The following KIAA1217 variants were observed in gnomAD, a reference collection of about 807,000 sequenced individuals.
KIAA1217 encodes sickle tail protein homolog.
KIAA1217 carries 88 observed loss-of-function variants against 163.9 expected under a neutral mutation model. The observed-to-expected ratio is 0.54, with a 90% confidence interval of 0.45 to 0.64. The LOEUF (loss-of-function observed/expected upper bound fraction) is 0.64. Among genes scored for constraint, KIAA1217 ranks in the 30% least tolerant of loss-of-function variants. KIAA1217 has a pLI of 0.00. For missense variants in KIAA1217, 2,372 were observed against 2,475.0 expected (o/e 0.96, Z 0.88); for synonymous variants, 903 against 923.1 (o/e 0.98, Z 0.39).
chr10:23,926,485 G>A (rs1336739970), intron 1 of KIAA1217, among the ~76,000 whole-genome samples: 3 of 152,274 alleles, frequency 2.0e-5, no homozygotes, highest in Non-Finnish European at 4.4e-5. Flanking sequence ...AACACTTTGG[G>A]AGGGCGACGT....
chr10:24,312,855 G>T (rs1263218004), intron 2 of KIAA1217, among the ~76,000 whole-genome samples: 1 of 152,134 alleles, frequency 6.6e-6, no homozygotes, highest in East Asian at 1.9e-4. Flanking sequence ...GGTCTGGGCT[G>T]CAGGGAGCCT....
At chr10:24,304,258 G>A (rs546072130) in intron 2 of KIAA1217, among the ~76,000 whole-genome samples, 1 of 130,128 alleles carries the variant, frequency 7.7e-6, no homozygotes, top group South Asian at 2.4e-4. Flanking sequence ...TCTTGCAACT[G>A]TCCTTCATTC....
chr10:24,501,318 G>A, intron 8 of KIAA1217, 61 bp from the exon 9 acceptor site: 2 of 1,497,036 alleles, frequency 1.3e-6, no homozygotes, highest in Non-Finnish European at 1.8e-6. Flanking sequence ...ATTGGGATGG[G>A]ATGCATAGCT....
intron 2 of KIAA1217, among the ~76,000 whole-genome samples, chr10:24,131,343 A>T (rs575677202): frequency 6.6e-6 from 1 of 152,332 alleles, no homozygotes; most frequent in East Asian, 1.9e-4. Flanking sequence ...ACATTTACCC[A>T]TCCTGTGTTA....
intron 1 of KIAA1217, among the ~76,000 whole-genome samples, chr10:23,807,637 T>C (rs1836805742): frequency 6.6e-6 from 1 of 152,242 alleles, no homozygotes. Context: ...AGGATGAATA[T>C]GGCTGAGTGA....
chr10:24,543,826 CAA>C lies in KIAA1217; in HGVS notation c.4558_4559del (p.Lys1520ValfsTer39), dbSNP rs2075391350. On this transcript the variant is annotated frameshift_variant, in exon 19 of 21. Transcript: ENST00000376454. LOFTEE classifies it high-confidence loss of function. ...CTTAGAACCGGACAACAGGTGGAAA[CAA>C]AGTCACAGCCACACTCCCTGGCCAC... The C allele has an allele frequency of 6.2e-7, 1 of 1,613,812 alleles. No individual in the cohort carries two copies. The highest frequency in any genetic ancestry group is 1.3e-5 in the African/African-American group (1 of 74,856).
chr10:23,991,140 G>A (rs1589197162), intron 1 of KIAA1217, among the ~76,000 whole-genome samples: 1 of 152,172 alleles, frequency 6.6e-6, no homozygotes, highest in African/African-American at 2.4e-5. Context: ...CAAACTAGTC[G>A]GGTATTTTCC....
At position 23,824,656 on chromosome 10, in the gene KIAA1217, A is replaced by ATAT. The variant is rs1564453885; in HGVS notation, c.-321+129422_-321+129423insTAT. 3.8e-3 allele frequency among the ~76,000 whole-genome samples: 315 copies of ATAT among 82,196 alleles called. 3 individuals are homozygous for ATAT. Among genetic ancestry groups the ATAT allele is most frequent in the Middle Eastern group, 7.7e-3 (1 of 130 alleles). The allele number at this position is 82,196 out of a possible 152,430, so 53.9% of individuals were successfully genotyped here. On this transcript the variant is annotated intron_variant, in intron 1 of 18. Transcript: ENST00000376462. ...GAAAAAAAAAAAAAAAAAAATAAAA[A>ATAT]AAATATATATATATATATATATATA...
In KIAA1217 at chr10:24,536,909, C is replaced by T; in HGVS notation, c.3534+16C>T. On this transcript the variant is annotated intron_variant, in intron 17 of 20. Transcript: ENST00000376454. ...GGAGAAGAAGGTAACGTGGCAACTG[C>T]ACATTTGCCACACGGTTGGGAGTCC... 2 of 1,612,964 alleles carry T rather than the reference C, an allele frequency of 1.2e-6. No homozygotes were observed. The highest frequency in any genetic ancestry group is 8.5e-7 in the Non-Finnish European group (1 of 1,179,394).
At chr10:23,786,264 G>A (rs1835489432) in intron 1 of KIAA1217, among the ~76,000 whole-genome samples, 1 of 151,970 alleles carries the variant, frequency 6.6e-6, no homozygotes, top group African/African-American at 2.4e-5. Flanking sequence ...GGGAGGATTT[G>A]GTTAATATGG....
At chr10:24,417,389 T>C (rs1286317059) in intron 3 of KIAA1217, among the ~76,000 whole-genome samples, 1 of 152,160 alleles carries the variant, frequency 6.6e-6, no homozygotes. Context: ...TCTCTCTCCA[T>C]AGCTGCCCGT....
chr10:24,258,235 A>G (rs144321450), intron 2 of KIAA1217, among the ~76,000 whole-genome samples: 4 of 152,238 alleles, frequency 2.6e-5, no homozygotes, highest in African/African-American at 9.6e-5. Context: ...CAGATTCTGG[A>G]TGGAGAAGGG....
chr10:24,380,928 G>A lies in KIAA1217; in HGVS notation c.414G>A (p.Glu138=), dbSNP rs1591464800. 1 of 1,607,352 alleles carries A rather than the reference G, an allele frequency of 6.2e-7. No individual in the cohort carries two copies. The highest frequency in any genetic ancestry group is 8.5e-7 in the Non-Finnish European group (1 of 1,176,208). The stretch of plus-strand genomic sequence containing the variant: ...CACCCAGTCTGGGTGACCCGGTCGA[G>A]CATTTATCAGAGACGTCCGCTGATT... ...PQPPSLGDPV[E]HLSETSADSL... is the part of the protein sequence containing the mutation. The change falls in exon 3 of 21, where the codon GAG becomes GAA. Residue 138 remains glutamate, a synonymous_variant. Coordinates refer to ENST00000376454, the MANE Select transcript of KIAA1217 (RefSeq NM_019590.5).
At chr10:24,494,975 C>A in intron 7 of KIAA1217, 172 bp from the exon 8 acceptor site, 1 of 612,958 alleles carries the variant, frequency 1.6e-6, no homozygotes, top group Non-Finnish European at 2.8e-6. Context: ...GTCAGGTGCA[C>A]ACCTGGGAAG....
chr10:24,399,040 C>T (rs944541159), intron 3 of KIAA1217, among the ~76,000 whole-genome samples: 2 of 152,198 alleles, frequency 1.3e-5, no homozygotes, highest in South Asian at 2.1e-4. Context: ...TCTCCTGCCC[C>T]GCTCATGCCT....
intron 2 of KIAA1217, among the ~76,000 whole-genome samples, chr10:24,258,853 A>G (rs11013996): frequency 0.011 from 1,723 of 152,232 alleles, 25 homozygotes; most frequent in African/African-American, 0.039. Context: ...TGGGCCTCCC[A>G]AAGTGCTGGG....
intron 16 of KIAA1217, among the ~76,000 whole-genome samples, 187 bp downstream of exon 16, chr10:24,533,424 T>A (rs987634399): frequency 1.3e-5 from 2 of 152,238 alleles, no homozygotes; most frequent in Non-Finnish European, 2.9e-5. Flanking sequence ...AGGATGCCTA[T>A]AAGATGTGCA....
At chr10:23,931,102 C>A (rs1009729597) in intron 1 of KIAA1217, among the ~76,000 whole-genome samples, 1 of 152,108 alleles carries the variant, frequency 6.6e-6, no homozygotes, top group Non-Finnish European at 1.5e-5. Flanking sequence ...TAACTCACCC[C>A]GCCTGCTTCT....
At chr10:23,837,860 G>C (rs921142912) in intron 1 of KIAA1217, among the ~76,000 whole-genome samples, 1 of 152,018 alleles carries the variant, frequency 6.6e-6, no homozygotes, top group Non-Finnish European at 1.5e-5. Context: ...TAATGTACTG[G>C]TTCTTTAACC....
Sources: gnomAD v4.1 joint callset for allele counts (sites outside exome capture counted in the v4.1 genomes callset) on GRCh38, gnomAD v4.1.1 for gene constraint, MANE v1.5 for transcripts, NCBI Gene and HGNC (gene_info 2026-07-23, HGNC 2026-07-21) for gene names.